Variants in TMC6 observed in about 807,000 individuals in gnomAD.
The protein encoded by TMC6 is transmembrane channel like 6.
A neutral mutation model predicts 95.4 loss-of-function variants in TMC6; 71 were observed. The observed-to-expected ratio is 0.74, with a 90% confidence interval of 0.61 to 0.91. The LOEUF (loss-of-function observed/expected upper bound fraction) is 0.91. TMC6 is among the 40% of genes least tolerant of loss of function. The pLI, the probability that TMC6 is intolerant of heterozygous loss-of-function variation, is 0.00. For synonymous variants in TMC6, 514 were observed against 483.1 expected (o/e 1.06, Z -0.84); for missense variants, 1,074 against 1,079.1 (o/e 1.00, Z 0.07).
chr17:78,119,465 A>G, intron 13 of TMC6, 73 bp from the exon 14 acceptor site: 3 of 1,468,276 alleles, frequency 2.0e-6, no homozygotes, highest in Admixed American at 3.4e-5. Context: ...CCCCACACCC[A>G]GAGGCACCCC....
intron 7 of TMC6, 41 bp downstream of exon 7, chr17:78,124,838 CCCCAGCCCTG>C (rs752456901): frequency 1.3e-6 from 2 of 1,579,312 alleles, no homozygotes; most frequent in Non-Finnish European, 1.7e-6. Context: ...ACTGAGGCCA[CCCCAGCCCTG>C]CCCAGCCGCC....
intron 8 of TMC6, 55 bp from the exon 9 acceptor site, chr17:78,124,234 C>A: frequency 6.2e-7 from 1 of 1,601,444 alleles, no homozygotes; most frequent in South Asian, 1.1e-5. Context: ...CCACCCGACC[C>A]TCAGGCCTGA....
rs530296780 is a variant in TMC6 at position 78,111,727 on chromosome 17, T to C, written c.*1421A>G. On this transcript the variant is annotated 3_prime_UTR_variant, in exon 20 of 20. Coordinates refer to ENST00000590602, the MANE Select transcript of TMC6 (RefSeq NM_001127198.5). ...GGCTAGACCCAGCGTGGGGGTCTGC[T>C]AGCAGCCAGTGGCATCTCCATCTGG... is the stretch of plus-strand genomic sequence containing the variant. The C allele has an allele frequency of 1.1e-5, 2 of 174,120 alleles. No homozygotes were observed. The highest frequency in any genetic ancestry group is 1.2e-4 in the Admixed American group (2 of 16,048). 10.8% of individuals were successfully genotyped at this position (174,120 alleles called of 1,614,324 possible).
At chr17:78,114,503 C>T (rs960742824) in intron 18 of TMC6, among the ~76,000 whole-genome samples, 37 of 152,022 alleles carry the variant, frequency 2.4e-4, no homozygotes, top group South Asian at 6.2e-4. Context: ...AGGGCTCTTT[C>T]GACAATGAAA....
chr17:78,111,145 T>C lies in TMC6; in HGVS notation c.*2003A>G, dbSNP rs559173959. The C allele has an allele frequency of 3.9e-5, 6 of 152,384 alleles. No homozygotes were observed. In the East Asian group the frequency reaches 9.6e-4, roughly 24 times the overall value. 9.4% of individuals were successfully genotyped at this position (152,384 alleles called of 1,614,324 possible). A position where few individuals can be genotyped will look rare whatever the true frequency, so the allele number is the denominator to read the frequency against. ...TTTAGGTGAAATCGACTGTAGGTGTTCACCACATTCCAGCAGCACACGATC... is the reference window on the plus strand; with the variant it reads ...TTTAGGTGAAATCGACTGTAGGTGTCCACCACATTCCAGCAGCACACGATC... On this transcript the variant is annotated 3_prime_UTR_variant, in exon 20 of 20. Coordinates refer to ENST00000590602, the MANE Select transcript of TMC6 (RefSeq NM_001127198.5).
rs2145431590 is a variant in TMC6 at position 78,126,914 on chromosome 17, GAC to G, written c.-74-10_-74-9del. The G allele has an allele frequency of 1.3e-6, 2 of 1,520,876 alleles. No homozygotes were observed. The highest frequency in any genetic ancestry group is 1.8e-5 in the Admixed American group (1 of 54,266). The allele number at this position is 1,520,876 out of a possible 1,614,324, so 94.2% of individuals were successfully genotyped here. On this transcript the variant is annotated splice_polypyrimidine_tract_variant and intron_variant, in intron 1 of 19. Coordinates refer to ENST00000590602, the MANE Select transcript of TMC6 (RefSeq NM_001127198.5). ...CACCTCCGGAGCCCCCATCTGATGA[GAC>G]AGGGGCACAGAGCCAGGGGTGGTCT... is the stretch of plus-strand genomic sequence containing the variant.
At chr17:78,131,297 C>T (rs2074957791), upstream of TMC6, 1 of 545,078 alleles carries the variant, frequency 1.8e-6, no homozygotes, top group Non-Finnish European at 3.3e-6. Context: ...AGACTGAGGC[C>T]GTGGCTGTGT....
intron 18 of TMC6, chr17:78,113,859 A>T (rs1174236536): frequency 3.6e-6 from 2 of 549,758 alleles, no homozygotes; most frequent in Non-Finnish European, 6.6e-6. Flanking sequence ...GAAAAGGGAA[A>T]TGTAATCAGC....
At position 78,109,337 on chromosome 17, in the gene TMC6, G is replaced by T. The variant is rs1277976695; in HGVS notation, c.*3811C>A. The T allele has an allele frequency of 4.9e-6, 2 of 406,794 alleles. No homozygotes were observed. Among genetic ancestry groups the T allele is most frequent in the Non-Finnish European group, 1.0e-5 (2 of 200,674 alleles). 25.2% of individuals were successfully genotyped at this position (406,794 alleles called of 1,614,324 possible). A position where few individuals can be genotyped will look rare whatever the true frequency, so the allele number is the denominator to read the frequency against. On this transcript the variant is annotated 3_prime_UTR_variant, in exon 20 of 20. Coordinates refer to ENST00000590602, the MANE Select transcript of TMC6 (RefSeq NM_001127198.5). ...CGAGAAGATCCTCTGCAGGAGTGCGGTGTCTACGGATGGACCAAGAAAACC... is the reference window on the plus strand; with the variant it reads ...CGAGAAGATCCTCTGCAGGAGTGCGTTGTCTACGGATGGACCAAGAAAACC...
At chr17:78,119,208 C>A in intron 14 of TMC6, 89 bp downstream of exon 14, 1 of 1,558,776 alleles carries the variant, frequency 6.4e-7, no homozygotes, top group Non-Finnish European at 8.8e-7. Context: ...CTGGCTGTGG[C>A]CCCAGGGGGA....
chr17:78,125,903 A>AGGGCC lies in TMC6; in HGVS notation c.272-24_272-20dup, dbSNP rs1263412231. 3 of 1,550,160 alleles carry AGGGCC rather than the reference A, an allele frequency of 1.9e-6. No individual in the cohort carries two copies. The highest frequency in any genetic ancestry group is 8.7e-7 in the Non-Finnish European group (1 of 1,146,794). ...CTGCGGCCTATGGAGGCAGCTGGGC[A>AGGGCC]GGGCCGGGCCGGGCAGGGCCAGGCC... is the stretch of plus-strand genomic sequence containing the variant. On this transcript the variant is annotated intron_variant, in intron 4 of 19. Transcript: ENST00000590602.
chr17:78,119,442 G>C (rs773917154), intron 13 of TMC6, 50 bp from the exon 14 acceptor site: 70 of 1,600,640 alleles, frequency 4.4e-5, no homozygotes, highest in Non-Finnish European at 5.9e-5. Flanking sequence ...TGCCCAGGGA[G>C]GCCAGCCTGA....
chr17:78,127,314 G>C (rs2074769040), intron 1 of TMC6, among the ~76,000 whole-genome samples: 1 of 152,170 alleles, frequency 6.6e-6, no homozygotes, highest in Non-Finnish European at 1.5e-5. Context: ...CTCTGCGTCT[G>C]CCCTGTGACC....
upstream of TMC6, chr17:78,132,132 T>G: frequency 1.8e-4 from 265 of 1,471,224 alleles, no homozygotes; most frequent in Non-Finnish European, 2.3e-4. Flanking sequence ...TTCACCCGGG[T>G]CCCCCGACCA....
intron 8 of TMC6, 134 bp from the exon 9 acceptor site, chr17:78,124,313 A>G: frequency 7.3e-7 from 1 of 1,362,776 alleles, no homozygotes; most frequent in Non-Finnish European, 1.0e-6. Context: ...GGCCTTGGCC[A>G]CAGCAATCTT....
At position 78,113,170 on chromosome 17, in the gene TMC6, A is replaced by AGCAGG; in HGVS notation, c.2391_2395dup (p.Leu799ProfsTer60). On this transcript the variant is annotated frameshift_variant, in exon 20 of 20. Coordinates refer to ENST00000590602, the MANE Select transcript of TMC6 (RefSeq NM_001127198.5). LOFTEE classifies it low-confidence loss of function (END_TRUNC). The stretch of plus-strand genomic sequence containing the variant: ...CCCCTAGGCATCCTGTTCATCTGTG[A>AGCAGG]GCAGGGCAGGGGGTGCCGCAGCCTC... The AGCAGG allele has an allele frequency of 6.4e-7, 1 of 1,558,006 alleles. No homozygotes were observed. The highest frequency in any genetic ancestry group is 1.2e-5 in the South Asian group (1 of 84,520).
chr17:78,121,787 ACAC>A lies in TMC6; in HGVS notation c.1228-79_1228-77del. The A allele has an allele frequency of 1.3e-6, 2 of 1,489,944 alleles. No homozygotes were observed. Among genetic ancestry groups the A allele is most frequent in the Non-Finnish European group, 1.8e-6 (2 of 1,117,542 alleles). 92.3% of individuals were successfully genotyped at this position (1,489,944 alleles called of 1,614,324 possible). On this transcript the variant is annotated intron_variant, in intron 10 of 19. Transcript: ENST00000590602. This position sits in a 1 kb window ranked among gnomAD's most constrained non-coding sequence, Gnocchi z 5.6. ...CAGACGTGCAGACACAGCACAACAC[ACAC>A]AACACACATGAGACACACCAGGAGG...
chr17:78,113,748 CAT>C (rs1298434577), intron 18 of TMC6, 124 bp from the exon 19 acceptor site: 4 of 1,023,710 alleles, frequency 3.9e-6, no homozygotes, highest in East Asian at 2.4e-5. Context: ...GCAGCAAAAA[CAT>C]AAAAGAAAAG....
At position 78,109,285 on chromosome 17, in the gene TMC6, A is replaced by T; in HGVS notation, c.*3863T>A. On this transcript the variant is annotated 3_prime_UTR_variant, in exon 20 of 20. Transcript: ENST00000590602. ...AGCCCCGACTGAGTGTTCAGTGAAG[A>T]GGGAAAACAGAGACAGTGGGGCATC... 2.8e-6 allele frequency: 1 copy of T among 361,572 alleles called. No individual in the cohort carries two copies. The highest frequency in any genetic ancestry group is 2.0e-5 in the South Asian group (1 of 49,194). 22.4% of individuals were successfully genotyped at this position (361,572 alleles called of 1,614,324 possible). A position where few individuals can be genotyped will look rare whatever the true frequency, so the allele number is the denominator to read the frequency against.
Sources: allele counts gnomAD v4.1 joint callset (sites outside exome capture counted in the v4.1 genomes callset), GRCh38; gene constraint gnomAD v4.1.1; non-coding constraint Gnocchi (gnomAD v3.1); transcripts MANE v1.5; gene names NCBI Gene and HGNC (gene_info 2026-07-23, HGNC 2026-07-21).